The following ETFBKMT variants were observed in gnomAD, a reference collection of about 807,000 sequenced individuals.
ETFBKMT encodes electron transfer flavoprotein beta subunit lysine methyltransferase.
ETFBKMT carries 13 observed loss-of-function variants against 18.3 expected under a neutral mutation model. The ratio of observed to expected loss-of-function variants is 0.71; its 90% CI spans 0.46 to 1.13. The LOEUF (loss-of-function observed/expected upper bound fraction) is 1.13, where lower values mean the gene tolerates loss of function less well. Ranked by LOEUF, ETFBKMT falls within the 50% of genes most tolerant of loss-of-function variation. The probability of loss-of-function intolerance (pLI) is 0.00; values close to 1 mark genes in which losing one functional copy is unlikely to be tolerated. For synonymous variants in ETFBKMT, 84 were observed against 107.9 expected, an observed-to-expected ratio of 0.78 and a Z score of 1.37; for missense variants, 293 against 306.2, an observed-to-expected ratio of 0.96 and a Z score of 0.32.
rs1019507228 is a variant in ETFBKMT at position 31,670,403 on chromosome 12, A to G, written c.*2413A>G. ...GTGAGGATGGGAATGATGACTTCCA[A>G]TCTCTTTATATTAGAAAATATAAAT... is the stretch of plus-strand genomic sequence containing the variant. On this transcript the variant is annotated 3_prime_UTR_variant, in exon 4 of 4. Transcript: ENST00000357721. The G allele has an allele frequency of 1.3e-5, 2 of 152,176 alleles. No homozygotes were observed. Among genetic ancestry groups the G allele is most frequent in the African/African-American group, 2.4e-5 (1 of 41,428 alleles). The allele number at this position is 152,176 out of a possible 1,614,324, so 9.4% of individuals were successfully genotyped here. A position where few individuals can be genotyped will look rare whatever the true frequency, so the allele number is the denominator to read the frequency against.
rs1565752497 is a variant in ETFBKMT, at chr12:31,667,954, A to T, written c.753A>T (p.Gly251=). The T allele has an allele frequency of 6.2e-7, 1 of 1,614,166 alleles. No individual in the cohort carries two copies. The highest frequency in any genetic ancestry group is 2.2e-5 in the East Asian group (1 of 44,892). ...AGTCTACTAGGCAGGAAAACAGTGG[A>T]CTGACAACAAGCACAGTGTGGGGTT... ...LLESTRQENS[G]LTTSTVWGFQ... is the part of the protein sequence containing the mutation. The change falls in exon 4 of 4, where the codon GGA becomes GGT. Residue 251 remains glycine (G), a synonymous_variant. Coordinates refer to ENST00000357721, the MANE Select transcript of ETFBKMT (RefSeq NM_001135863.2).
upstream of ETFBKMT, among the ~76,000 whole-genome samples, chr12:31,656,011 G>A (rs1182043605): frequency 6.6e-6 from 1 of 152,178 alleles, no homozygotes; most frequent in Non-Finnish European, 1.5e-5. Context: ...TTTTAAATGA[G>A]ATACTGATAT....
chr12:31,665,467 C>T (rs1165505046), intron 2 of ETFBKMT, among the ~76,000 whole-genome samples: 1 of 152,160 alleles, frequency 6.6e-6, no homozygotes, highest in Non-Finnish European at 1.5e-5. Flanking sequence ...AACCTAAAGA[C>T]ATCTCTTTTC....
upstream of ETFBKMT, among the ~76,000 whole-genome samples, chr12:31,658,227 G>A (rs569836893): frequency 9.2e-5 from 14 of 152,288 alleles, no homozygotes; most frequent in Admixed American, 2.6e-4. Flanking sequence ...CAGGAGAATC[G>A]GAGAGTGTGT....
upstream of ETFBKMT, among the ~76,000 whole-genome samples, chr12:31,656,295 G>A (rs918146097): frequency 6.6e-6 from 1 of 152,198 alleles, no homozygotes; most frequent in Admixed American, 6.5e-5. Flanking sequence ...TTTGGACAGT[G>A]AGGAGCGGTT....
chr12:31,647,427 G>A (rs1478834034), intron 1 of ETFBKMT, among the ~76,000 whole-genome samples: 1 of 152,154 alleles, frequency 6.6e-6, no homozygotes, highest in East Asian at 1.9e-4. Context: ...CAACTCTACT[G>A]CCAGCTATTT....
intron 2 of ETFBKMT, among the ~76,000 whole-genome samples, chr12:31,664,616 C>CTT (rs59300091): frequency 0.064 from 8,535 of 132,936 alleles, 645 homozygotes; most frequent in East Asian, 0.16. Flanking sequence ...CTTTTTCTTT[C>CTT]TTTTTTTTTT....
chr12:31,662,399 G>A (rs1428230702), intron 2 of ETFBKMT, 132 bp downstream of exon 2: 2 of 791,086 alleles, frequency 2.5e-6, no homozygotes, highest in Non-Finnish European at 3.9e-6. Context: ...TTGGGAGGCT[G>A]AGGCTGTAAG....
At chr12:31,654,993 T>C (rs1045263594), upstream of ETFBKMT, among the ~76,000 whole-genome samples, 1 of 151,434 alleles carries the variant, frequency 6.6e-6, no homozygotes. Flanking sequence ...GAGGAGAAGG[T>C]TGCAGTGAGC....
At chr12:31,665,856 G>T (rs942770091) in intron 2 of ETFBKMT, among the ~76,000 whole-genome samples, 9 of 152,236 alleles carry the variant, frequency 5.9e-5, no homozygotes, top group African/African-American at 1.9e-4. Flanking sequence ...GTTTAAGAAC[G>T]CCTTTAAGCA....
At chr12:31,652,460 C>A (rs1261769751) in intron 1 of ETFBKMT, among the ~76,000 whole-genome samples, 1 of 152,178 alleles carries the variant, frequency 6.6e-6, no homozygotes, top group Non-Finnish European at 1.5e-5. Flanking sequence ...ATAAATTTAT[C>A]ATTTCTTTGT....
intron 1 of ETFBKMT, among the ~76,000 whole-genome samples, chr12:31,652,680 G>A (rs1373019201): frequency 2.6e-5 from 4 of 152,134 alleles, no homozygotes; most frequent in African/African-American, 9.7e-5. Flanking sequence ...AATAATCCAG[G>A]CTAGAGATGA....
At chr12:31,648,629 T>G (rs1289471769) in intron 1 of ETFBKMT, among the ~76,000 whole-genome samples, 2 of 141,676 alleles carry the variant, frequency 1.4e-5, no homozygotes, top group Admixed American at 7.5e-5. Context: ...TGGCGCAATC[T>G]CGGCTCACTG....
rs1307850346 is a variant in ETFBKMT, at chr12:31,666,228, A to G, written c.445+11A>G. On this transcript the variant is annotated intron_variant, in intron 3 of 3. Transcript: ENST00000357721. ...ATGACATAGACCCTAGTAAGGATTC[A>G]TATTTTAAAATATTTAAGGCTCATC... 13 of 1,598,306 alleles carry G rather than the reference A, an allele frequency of 8.1e-6. No individual in the cohort carries two copies. The highest frequency in any genetic ancestry group is 1.1e-5 in the South Asian group (1 of 88,078).
chr12:31,663,097 T>A (rs4930986), intron 2 of ETFBKMT, among the ~76,000 whole-genome samples: 71,166 of 147,920 alleles, frequency 0.48, 17,983 homozygotes, highest in Non-Finnish European at 0.58. Flanking sequence ...CAAAAAAAAA[T>A]TTTTTTTTTT....
chr12:31,655,070 C>CAA (rs1488304837), upstream of ETFBKMT, among the ~76,000 whole-genome samples: 898 of 71,810 alleles, frequency 0.013, 7 homozygotes, highest in Non-Finnish European at 0.02. Context: ...AACAAACAAA[C>CAA]AAACAAAAAA....
intron 2 of ETFBKMT, among the ~76,000 whole-genome samples, chr12:31,662,505 CTTTTT>C (rs35366747): frequency 1.6e-5 from 2 of 128,824 alleles, no homozygotes; most frequent in Non-Finnish European, 3.3e-5. Context: ...TTCTTTCTTT[CTTTTT>C]TTTTTTTTTT....
chr12:31,649,852 G>A (rs1026141473), intron 1 of ETFBKMT, among the ~76,000 whole-genome samples: 4 of 148,332 alleles, frequency 2.7e-5, no homozygotes, highest in Non-Finnish European at 5.9e-5. Context: ...CACCTCCCAA[G>A]TTCAAGCAAT....
chr12:31,657,791 CAAAAAAAAAA>C (rs777612236), upstream of ETFBKMT, among the ~76,000 whole-genome samples: 7 of 46,332 alleles, frequency 1.5e-4, no homozygotes, highest in Non-Finnish European at 2.5e-4. Context: ...GACTTCATCT[CAAAAAAAAAA>C]AAAAAAAAAA....
Sources: allele counts gnomAD v4.1 joint callset (sites outside exome capture counted in the v4.1 genomes callset), GRCh38; gene constraint gnomAD v4.1.1; transcripts MANE v1.5; gene names NCBI Gene and HGNC (gene_info 2026-07-23, HGNC 2026-07-21).